Variants in N4BP2L1 observed in about 807,000 individuals in gnomAD.
The protein encoded by N4BP2L1 is NEDD4 binding protein 2 like 1, also known as NEDD4-binding protein 2-like 1.
N4BP2L1 carries 12 observed loss-of-function variants against 21.2 expected under a neutral mutation model. The ratio of observed to expected loss-of-function variants is 0.57; its 90% CI spans 0.36 to 0.92. N4BP2L1 has a LOEUF of 0.92. N4BP2L1 is among the 40% of genes least tolerant of loss of function. N4BP2L1 has a pLI of 0.01. For synonymous variants in N4BP2L1, 104 were observed against 112.8 expected (o/e 0.92, Z 0.49); for missense variants, 259 against 310.6 (o/e 0.83, Z 1.25).
intron 1 of N4BP2L1, among the ~76,000 whole-genome samples, chr13:32,408,574 C>G (rs982170174): frequency 1.3e-5 from 2 of 152,202 alleles, no homozygotes; most frequent in Non-Finnish European, 2.9e-5. Context: ...AATCCTTGCT[C>G]GTACTATCTT....
intron 1 of N4BP2L1, among the ~76,000 whole-genome samples, chr13:32,427,059 T>A (rs1309117454): frequency 6.6e-6 from 1 of 152,060 alleles, no homozygotes; most frequent in Non-Finnish European, 1.5e-5. Flanking sequence ...CAGGGAGCGG[T>A]GGGAGTTCAG....
intron 1 of N4BP2L1, chr13:32,419,338 C>T (rs1351865755): frequency 4.6e-5 from 19 of 413,582 alleles, no homozygotes; most frequent in South Asian, 2.4e-4. Context: ...CTACATCTCT[C>T]GGGTTCAAGT....
intron 1 of N4BP2L1, among the ~76,000 whole-genome samples, chr13:32,408,197 C>A (rs2137780430): frequency 6.6e-6 from 1 of 152,330 alleles, no homozygotes; most frequent in East Asian, 1.9e-4. Flanking sequence ...ATGCTGCAGC[C>A]CTTCCCTCGG....
rs757348552 is a variant in N4BP2L1 at position 32,402,934 on chromosome 13, A to G, written c.*8T>C. ...TAGGAAAATTCTGCCTGGCTGTAAGATAGGCCTCTAATATCCATGGTGACA... is the reference window on the plus strand; with the variant it reads ...TAGGAAAATTCTGCCTGGCTGTAAGGTAGGCCTCTAATATCCATGGTGACA... On this transcript the variant is annotated 3_prime_UTR_variant, in exon 5 of 5. Coordinates refer to ENST00000380130, the MANE Select transcript of N4BP2L1 (RefSeq NM_052818.3). The G allele has an allele frequency of 6.4e-7, 1 of 1,569,626 alleles. No individual in the cohort carries two copies. Among genetic ancestry groups the G allele is most frequent in the Admixed American group, 1.9e-5 (1 of 53,134 alleles).
intron 1 of N4BP2L1, among the ~76,000 whole-genome samples, chr13:32,414,360 T>G (rs902687862): frequency 3.9e-5 from 6 of 152,244 alleles, no homozygotes; most frequent in African/African-American, 1.4e-4. Flanking sequence ...CCCTACTTCT[T>G]TAATTATCAG....
intron 2 of N4BP2L1, 111 bp downstream of exon 2, chr13:32,407,534 A>G (rs1465816199): frequency 1.3e-6 from 2 of 1,598,022 alleles, no homozygotes; most frequent in Non-Finnish European, 1.7e-6. Flanking sequence ...TTGGGGGAAA[A>G]ATTGGCAGAA....
At chr13:32,403,277 T>A in intron 4 of N4BP2L1, 77 bp from the exon 5 acceptor site, 1 of 1,380,500 alleles carries the variant, frequency 7.2e-7, no homozygotes, top group South Asian at 1.4e-5. Flanking sequence ...TCCTCTAGTA[T>A]TGCAGATATT....
chr13:32,408,095 TG>T (rs2073635241), intron 1 of N4BP2L1, among the ~76,000 whole-genome samples: 1 of 152,212 alleles, frequency 6.6e-6, no homozygotes, highest in Middle Eastern at 3.2e-3. Flanking sequence ...GCCTGGTGAC[TG>T]TCTTTCTTCC....
chr13:32,428,962 G>A (rs1194242540), upstream of N4BP2L1, among the ~76,000 whole-genome samples: 1 of 152,234 alleles, frequency 6.6e-6, no homozygotes, highest in Admixed American at 6.5e-5. Context: ...TCACCCTCAA[G>A]AGCGTGACAG....
chr13:32,404,317 G>A lies in N4BP2L1; in HGVS notation c.473+4C>T. ...AATGAGGAACTAGAAAAACAAAGAA[G>A]TACCTTGCTAACTCTTGAACGTTGA... On this transcript the variant is annotated splice_donor_region_variant and intron_variant, in intron 4 of 4. Coordinates refer to ENST00000380130, the MANE Select transcript of N4BP2L1 (RefSeq NM_052818.3). 6.2e-7 allele frequency: 1 copy of A among 1,612,292 alleles called. No individual in the cohort carries two copies. Among genetic ancestry groups the A allele is most frequent in the African/African-American group, 1.3e-5 (1 of 74,992 alleles).
intron 1 of N4BP2L1, chr13:32,411,392 C>G: frequency 7.5e-6 from 3 of 398,284 alleles, no homozygotes; most frequent in Non-Finnish European, 1.0e-5. Flanking sequence ...TTATCTCCAC[C>G]TAAATGTTAA....
chr13:32,406,966 T>C (rs1175119063), intron 3 of N4BP2L1: 6 of 419,050 alleles, frequency 1.4e-5, no homozygotes, highest in Non-Finnish European at 2.7e-5. Context: ...TGCCTTGCCG[T>C]AGGAAAGTAA....
intron 1 of N4BP2L1, among the ~76,000 whole-genome samples, chr13:32,413,926 G>A (rs2073994188): frequency 1.5e-5 from 2 of 132,598 alleles, no homozygotes; most frequent in African/African-American, 5.8e-5. Context: ...CTGTCACCCA[G>A]GCTGGAGTGC....
In N4BP2L1 at chr13:32,403,128, A is replaced by AAC; in HGVS notation, c.545_546insGT (p.Phe182LeufsTer14). ...GCTTTTCTGCATGAAGCACACTGTG[A>AAC]AAAGTAACATCGTGTTCATACCGTT... On this transcript the variant is annotated frameshift_variant, in exon 5 of 5. Coordinates refer to ENST00000380130, the MANE Select transcript of N4BP2L1 (RefSeq NM_052818.3). LOFTEE classifies it low-confidence loss of function (END_TRUNC). The AAC allele has an allele frequency of 6.2e-7, 1 of 1,614,156 alleles. No homozygotes were observed. Among genetic ancestry groups the AAC allele is most frequent in the Non-Finnish European group, 8.5e-7 (1 of 1,180,014 alleles).
At chr13:32,408,481 C>T (rs957178999) in intron 1 of N4BP2L1, among the ~76,000 whole-genome samples, 7 of 152,096 alleles carry the variant, frequency 4.6e-5, no homozygotes, top group Non-Finnish European at 1.0e-4. Flanking sequence ...ATGGAGCTCC[C>T]CTTTAAAGCA....
chr13:32,401,645 A>C lies in N4BP2L1; in HGVS notation c.*1297T>G, dbSNP rs2073136610. ...GGTAAATAAGCCTGTGATACAGAAA[A>C]ACTGGTATATTGTTGAGTTTCTTGG... On this transcript the variant is annotated 3_prime_UTR_variant, in exon 5 of 5. Coordinates refer to ENST00000380130, the MANE Select transcript of N4BP2L1 (RefSeq NM_052818.3). The C allele has an allele frequency of 6.5e-6, 1 of 152,710 alleles. No homozygotes were observed. The highest frequency in any genetic ancestry group is 1.5e-5 in the Non-Finnish European group (1 of 68,110). The allele number at this position is 152,710 out of a possible 1,614,324, so 9.5% of individuals were successfully genotyped here. A position where few individuals can be genotyped will look rare whatever the true frequency, so the allele number is the denominator to read the frequency against.
At chr13:32,418,386 C>T (rs1292157224) in intron 1 of N4BP2L1, among the ~76,000 whole-genome samples, 1 of 152,214 alleles carries the variant, frequency 6.6e-6, no homozygotes, top group African/African-American at 2.4e-5. Flanking sequence ...GGTTTGGGAA[C>T]CTCCACTTAG....
intron 3 of N4BP2L1, chr13:32,406,707 T>C: frequency 6.5e-6 from 1 of 153,016 alleles, no homozygotes; most frequent in Non-Finnish European, 1.5e-5. Flanking sequence ...TGGACTCAAG[T>C]GATCCGCCCA....
chr13:32,426,967 GAAGGCCAGCGTC>G (rs2074799899), intron 1 of N4BP2L1, among the ~76,000 whole-genome samples: 1 of 152,190 alleles, frequency 6.6e-6, no homozygotes, highest in South Asian at 2.1e-4. Flanking sequence ...AGCCAGGCAG[GAAGGCCAGCGTC>G]AAGGAGAGAA....
Sources: gnomAD v4.1 joint callset for allele counts (sites outside exome capture counted in the v4.1 genomes callset) on GRCh38, gnomAD v4.1.1 for gene constraint, MANE v1.5 for transcripts, NCBI Gene and HGNC (gene_info 2026-07-23, HGNC 2026-07-21) for gene names.